The following GLI2 variants were observed in gnomAD, a reference collection of about 807,000 sequenced individuals.
GLI2 encodes the protein GLI family zinc finger 2.
In GLI2, 22 loss-of-function variants were observed where a neutral mutation model predicts 78.9. The ratio of observed to expected loss-of-function variants is 0.28; its 90% CI spans 0.20 to 0.40. The LOEUF (loss-of-function observed/expected upper bound fraction) is 0.40, where lower values mean the gene tolerates loss of function less well. GLI2 is among the 10% of genes least tolerant of loss of function. GLI2 has a pLI of 1.00. For missense variants in GLI2, 2,097 were observed against 2,213.2 expected (o/e 0.95, Z 1.05); for synonymous variants, 974 against 963.7 (o/e 1.01, Z -0.20).
At chr2:120,812,672 A>C (rs571130257) in intron 2 of GLI2, among the ~76,000 whole-genome samples, 4 of 152,252 alleles carry the variant, frequency 2.6e-5, no homozygotes, top group Non-Finnish European at 5.9e-5. Context: ...GTCTGGGGAC[A>C]TCACCTTTCC....
At chr2:120,896,872 T>C (rs1259606517) in intron 2 of GLI2, among the ~76,000 whole-genome samples, 1 of 152,026 alleles carries the variant, frequency 6.6e-6, no homozygotes, top group African/African-American at 2.4e-5. Context: ...ACAGGCAGCC[T>C]CCAAAAATGC....
intron 9 of GLI2, among the ~76,000 whole-genome samples, chr2:120,978,005 G>A (rs965270677): frequency 2.0e-5 from 3 of 152,222 alleles, no homozygotes; most frequent in Admixed American, 6.5e-5. Context: ...CTACGGGCAC[G>A]TTTGCCTCGC....
At chr2:120,948,232 G>C (rs1558906009) in intron 3 of GLI2, among the ~76,000 whole-genome samples, 1 of 152,166 alleles carries the variant, frequency 6.6e-6, no homozygotes, top group East Asian at 1.9e-4. Context: ...AAGTGCAGTG[G>C]TTGGTTCCAT....
At chr2:120,912,032 C>T (rs1283252950) in intron 2 of GLI2, among the ~76,000 whole-genome samples, 4 of 152,188 alleles carry the variant, frequency 2.6e-5, no homozygotes, top group Non-Finnish European at 5.9e-5. Flanking sequence ...CTCCTGGTCC[C>T]CCTACTGAGG....
intron 1 of GLI2, among the ~76,000 whole-genome samples, chr2:120,778,927 G>A (rs1355437547): frequency 3.3e-5 from 5 of 152,332 alleles, no homozygotes; most frequent in East Asian, 3.9e-4. Context: ...AGGCTTGCCC[G>A]GCAAATGGGA....
intron 2 of GLI2, among the ~76,000 whole-genome samples, chr2:120,926,532 C>A (rs1679686172): frequency 6.6e-6 from 1 of 152,240 alleles, no homozygotes; most frequent in African/African-American, 2.4e-5. Flanking sequence ...ATCCCCACTT[C>A]TTAGCCCTTT....
intron 2 of GLI2, among the ~76,000 whole-genome samples, chr2:120,911,904 G>T (rs1441863594): frequency 6.6e-6 from 1 of 152,154 alleles, no homozygotes; most frequent in African/African-American, 2.4e-5. Context: ...TTGACCCTGG[G>T]GCTGGGAGAG....
At chr2:120,774,818 A>C (rs926967581) in intron 1 of GLI2, among the ~76,000 whole-genome samples, 2 of 152,134 alleles carry the variant, frequency 1.3e-5, no homozygotes, top group Non-Finnish European at 2.9e-5. Context: ...TTGGTATGGG[A>C]ACTGGCAGTC....
intron 3 of GLI2, among the ~76,000 whole-genome samples, chr2:120,940,022 A>G (rs1389260692): frequency 2.0e-5 from 3 of 152,180 alleles, no homozygotes; most frequent in Non-Finnish European, 4.4e-5. Context: ...CTTATTGCTA[A>G]TGAACCTTGA....
chr2:120,754,013 G>C (rs1367784384), intron 1 of GLI2, among the ~76,000 whole-genome samples: 1 of 151,906 alleles, frequency 6.6e-6, no homozygotes, highest in East Asian at 1.9e-4. Context: ...TATGTTTATA[G>C]ATTTAGGGGT....
At chr2:120,787,588 C>T (rs916910330) in intron 1 of GLI2, among the ~76,000 whole-genome samples, 2 of 152,224 alleles carry the variant, frequency 1.3e-5, no homozygotes, top group Non-Finnish European at 2.9e-5. Context: ...GTGTGATTTT[C>T]CCTCCTCAGG....
At chr2:120,891,201 T>A (rs543480430) in intron 2 of GLI2, among the ~76,000 whole-genome samples, 9 of 150,984 alleles carry the variant, frequency 6.0e-5, no homozygotes, top group Admixed American at 2.6e-4. Context: ...CACCCAGGAG[T>A]GGGTGCACTG....
chr2:120,930,716 C>G (rs929909942), intron 3 of GLI2, among the ~76,000 whole-genome samples: 25 of 152,360 alleles, frequency 1.6e-4, no homozygotes, highest in African/African-American at 5.0e-4. Context: ...CTATGTGTGC[C>G]ACGCCTTGCA....
intron 5 of GLI2, among the ~76,000 whole-genome samples, chr2:120,958,111 A>C (rs1354963600): frequency 3.9e-5 from 6 of 152,174 alleles, no homozygotes; most frequent in African/African-American, 1.4e-4. Context: ...GCCTGGCTGC[A>C]CGGTGTCCTC....
At chr2:120,960,954 A>G (rs1396013924) in intron 5 of GLI2, among the ~76,000 whole-genome samples, 1 of 152,188 alleles carries the variant, frequency 6.6e-6, no homozygotes, top group Non-Finnish European at 1.5e-5. Context: ...GTGATAGAGA[A>G]CCAGTCAGGG....
intron 1 of GLI2, among the ~76,000 whole-genome samples, chr2:120,750,504 C>A (rs551509278): frequency 6.6e-6 from 1 of 152,206 alleles, no homozygotes; most frequent in South Asian, 2.1e-4. Context: ...AACTCTAAGA[C>A]CCATCTCAAA....
At chr2:120,811,604 T>C (rs953173613) in intron 2 of GLI2, among the ~76,000 whole-genome samples, 2 of 152,042 alleles carry the variant, frequency 1.3e-5, no homozygotes, top group South Asian at 2.1e-4. Context: ...GGCTTCATAC[T>C]AGGGGTAGGA....
chr2:120,862,623 C>T (rs1687953752), intron 2 of GLI2, among the ~76,000 whole-genome samples: 1 of 152,174 alleles, frequency 6.6e-6, no homozygotes, highest in South Asian at 2.1e-4. Context: ...GGTGAGGGTG[C>T]TGAGCTGGGC....
rs368122191 is a variant in GLI2 at position 120,989,275 on chromosome 2, G to C, written c.3310G>C (p.Ala1104Pro). 45 of 1,613,094 alleles carry C rather than the reference G, an allele frequency of 2.8e-5. 1 individual carries two copies. In the African/African-American group the frequency reaches 4.8e-4, roughly 17 times the overall value. The change falls in exon 14 of 14, where the codon GCC (alanine) becomes CCC (proline). Residue 1104 changes from alanine to proline, a missense_variant. Ala to Pro is a conservative substitution (Grantham distance 27). Around this residue, in one of 5 missense-constraint regions of GLI2, gnomAD observed 1,290 missense variants for 1,261.7 expected, o/e 1.02. Transcript: ENST00000361492. ...VAADSNVGPS[A>P]PMLGGCQLGF... Reference sequence around the variant, plus strand: ...TGCGGACTCCAACGTGGGCCCCTCCGCCCCTATGCTGGGAGGATGCCAGTT... The same window carrying C: ...TGCGGACTCCAACGTGGGCCCCTCCCCCCCTATGCTGGGAGGATGCCAGTT...
Sources: gnomAD v4.1 joint callset for allele counts (sites outside exome capture counted in the v4.1 genomes callset) on GRCh38, gnomAD v4.1.1 for gene constraint, gnomAD v4.1.1 regional missense constraint, MANE v1.5 for transcripts, NCBI Gene and HGNC (gene_info 2026-07-23, HGNC 2026-07-21) for gene names.